Variants in TMPRSS11A observed in about 807,000 individuals in gnomAD.
The protein encoded by TMPRSS11A is transmembrane serine protease 11A, also known as transmembrane protease serine 11A.
A neutral mutation model predicts 58.9 loss-of-function variants in TMPRSS11A; 53 were observed. That is an observed-to-expected ratio of 0.90 (90% CI 0.72 to 1.13). TMPRSS11A has a LOEUF of 1.13. Ranked by LOEUF, TMPRSS11A falls within the 50% of genes most tolerant of loss-of-function variation. TMPRSS11A has a pLI of 0.00. For missense variants in TMPRSS11A, 493 were observed against 499.3 expected (o/e 0.99, Z 0.12); for synonymous variants, 167 against 169.8 (o/e 0.98, Z 0.13).
intron 1 of TMPRSS11A, among the ~76,000 whole-genome samples, chr4:67,955,431 T>C (rs892987912): frequency 6.6e-6 from 1 of 152,216 alleles, no homozygotes; most frequent in Admixed American, 6.5e-5. Context: ...TTAAAGTTTG[T>C]ACGATATGGT....
rs536946075 is a variant in TMPRSS11A at position 67,941,690 on chromosome 4, T to C, written c.252+2829A>G. On this transcript the variant is annotated intron_variant, in intron 3 of 9. Transcript: ENST00000508048. Reference sequence around the variant, plus strand: ...TATATTCAAAAACTGGCTCACTATATGAATTAAAAAACTGAATCTACCTAA... The same window carrying C: ...TATATTCAAAAACTGGCTCACTATACGAATTAAAAAACTGAATCTACCTAA... 2.0e-5 allele frequency among the ~76,000 whole-genome samples: 3 copies of C among 152,298 alleles called. No homozygotes were observed. In the East Asian group the frequency reaches 5.8e-4, roughly 29 times the overall value.
chr4:67,943,010 C>A (rs1322266846), intron 3 of TMPRSS11A, among the ~76,000 whole-genome samples: 1 of 147,976 alleles, frequency 6.8e-6, no homozygotes, highest in Admixed American at 6.8e-5. Context: ...AAGAATACCA[C>A]ATGAAACATA....
At chr4:67,955,614 T>C (rs1721268359) in intron 1 of TMPRSS11A, among the ~76,000 whole-genome samples, 1 of 152,182 alleles carries the variant, frequency 6.6e-6, no homozygotes, top group African/African-American at 2.4e-5. Flanking sequence ...TGTCCTTTCT[T>C]TTGTCTGTCT....
At chr4:67,942,342 T>C (rs1720901021) in intron 3 of TMPRSS11A, among the ~76,000 whole-genome samples, 1 of 152,132 alleles carries the variant, frequency 6.6e-6, no homozygotes, top group African/African-American at 2.4e-5. Flanking sequence ...AGGGTGGAGT[T>C]CTCATGAAAG....
chr4:67,913,506 C>T (rs1209274251), intron 9 of TMPRSS11A, among the ~76,000 whole-genome samples: 1 of 152,204 alleles, frequency 6.6e-6, no homozygotes, highest in Non-Finnish European at 1.5e-5. Flanking sequence ...TTTACCTCTG[C>T]TCCCCAATCC....
At chr4:67,961,661 C>T (rs192824315) in intron 1 of TMPRSS11A, among the ~76,000 whole-genome samples, 7 of 151,752 alleles carry the variant, frequency 4.6e-5, no homozygotes, top group African/African-American at 1.2e-4. Context: ...CAGGTGCATG[C>T]GCCACCATGC....
chr4:67,936,459 C>T (rs1720756588), intron 3 of TMPRSS11A, among the ~76,000 whole-genome samples: 1 of 151,904 alleles, frequency 6.6e-6, no homozygotes, highest in African/African-American at 2.4e-5. Context: ...GGGGTCAAGC[C>T]TAACTGCCAC....
intron 3 of TMPRSS11A, among the ~76,000 whole-genome samples, chr4:67,935,687 T>C (rs1340849359): frequency 6.6e-6 from 1 of 152,210 alleles, no homozygotes; most frequent in Non-Finnish European, 1.5e-5. Flanking sequence ...ATTAACAAAT[T>C]GATAAAAAGG....
intron 8 of TMPRSS11A, among the ~76,000 whole-genome samples, chr4:67,915,170 TATATAAG>T (rs1560562141): frequency 1.3e-5 from 2 of 151,960 alleles, no homozygotes; most frequent in Non-Finnish European, 2.9e-5. Flanking sequence ...AGCTTTCACA[TATATAAG>T]ATATATGTGA....
At chr4:67,948,161 T>A (rs1333859914) in intron 1 of TMPRSS11A, among the ~76,000 whole-genome samples, 1 of 144,636 alleles carries the variant, frequency 6.9e-6, no homozygotes, top group Admixed American at 6.9e-5. Context: ...TTTTTTTTTT[T>A]TTTTTTTGAG....
At chr4:67,924,878 T>C (rs1176112883) in intron 5 of TMPRSS11A, among the ~76,000 whole-genome samples, 1 of 152,070 alleles carries the variant, frequency 6.6e-6, no homozygotes, top group Non-Finnish European at 1.5e-5. Context: ...AGCCAAGCCA[T>C]ATGGCAAGTA....
chr4:67,925,308 G>A (rs888334263), intron 5 of TMPRSS11A, among the ~76,000 whole-genome samples: 14 of 152,044 alleles, frequency 9.2e-5, no homozygotes, highest in Non-Finnish European at 1.9e-4. Context: ...ACTAAAGCTG[G>A]GGAAAAATAA....
chr4:67,926,069 G>A (rs1720458598), intron 5 of TMPRSS11A, among the ~76,000 whole-genome samples: 1 of 152,162 alleles, frequency 6.6e-6, no homozygotes, highest in Non-Finnish European at 1.5e-5. Flanking sequence ...AATATTCAGG[G>A]CTCTATAGAC....
intron 4 of TMPRSS11A, among the ~76,000 whole-genome samples, chr4:67,931,121 A>G (rs560003244): frequency 1.3e-5 from 2 of 152,196 alleles, no homozygotes; most frequent in Admixed American, 1.3e-4. Flanking sequence ...GAATTTGAAA[A>G]CAGAAAACAT....
intron 6 of TMPRSS11A, among the ~76,000 whole-genome samples, chr4:67,923,569 C>T (rs912249192): frequency 1.3e-5 from 2 of 152,104 alleles, no homozygotes; most frequent in African/African-American, 4.8e-5. Flanking sequence ...TGCAGTGGTG[C>T]AATCTTGGCT....
chr4:67,958,124 G>A (rs775508520), intron 1 of TMPRSS11A, among the ~76,000 whole-genome samples: 15 of 152,192 alleles, frequency 9.9e-5, no homozygotes, highest in Non-Finnish European at 1.6e-4. Context: ...GTGCACTCAT[G>A]GAGAACCTCT....
chr4:67,947,942 C>T (rs1260719278), intron 1 of TMPRSS11A, among the ~76,000 whole-genome samples: 1 of 152,116 alleles, frequency 6.6e-6, no homozygotes, highest in African/African-American at 2.4e-5. Flanking sequence ...TGTTTAAGGG[C>T]CCAGGTCGAC....
chr4:67,912,129 C>G (rs948700089), intron 9 of TMPRSS11A, among the ~76,000 whole-genome samples: 3 of 152,088 alleles, frequency 2.0e-5, no homozygotes, highest in East Asian at 1.9e-4. Context: ...TAACACAACT[C>G]TTTTTTTCAT....
intron 4 of TMPRSS11A, among the ~76,000 whole-genome samples, chr4:67,931,361 G>A (rs1339921264): frequency 6.6e-6 from 1 of 152,034 alleles, no homozygotes; most frequent in African/African-American, 2.4e-5. Flanking sequence ...TTATCTTTAA[G>A]AAATATGAGT....
Sources: gnomAD v4.1 joint callset for allele counts (sites outside exome capture counted in the v4.1 genomes callset) on GRCh38, gnomAD v4.1.1 for gene constraint, MANE v1.5 for transcripts, NCBI Gene and HGNC (gene_info 2026-07-23, HGNC 2026-07-21) for gene names.